Variants in GFRA1 observed in about 807,000 individuals in gnomAD.
GFRA1 encodes the protein GDNF family receptor alpha-1.
In GFRA1, 16 loss-of-function variants were observed where a neutral mutation model predicts 51.6. The ratio of observed to expected loss-of-function variants is 0.31; its 90% CI spans 0.21 to 0.47. The LOEUF is 0.47. GFRA1 is among the 20% of genes least tolerant of loss of function. The pLI, the probability that GFRA1 is intolerant of heterozygous loss-of-function variation, is 1.00. For missense variants in GFRA1, 530 were observed against 594.3 expected (o/e 0.89, Z 1.13); for synonymous variants, 270 against 241.3 (o/e 1.12, Z -1.10).
At chr10:116,144,880 G>A (rs910707198) in intron 5 of GFRA1, among the ~76,000 whole-genome samples, 1 of 151,958 alleles carries the variant, frequency 6.6e-6, no homozygotes, top group African/African-American at 2.4e-5. Context: ...CAAGGTTGGT[G>A]GCACACACTT....
intron 4 of GFRA1, among the ~76,000 whole-genome samples, chr10:116,238,266 C>A (rs2134614275): frequency 6.6e-6 from 1 of 152,260 alleles, no homozygotes; most frequent in East Asian, 1.9e-4. Context: ...CTGGGGAACG[C>A]CGCCTGCCAG....
At chr10:116,259,981 C>T (rs537992259) in intron 4 of GFRA1, among the ~76,000 whole-genome samples, 45 of 152,282 alleles carry the variant, frequency 3.0e-4, no homozygotes, top group South Asian at 2.3e-3. Flanking sequence ...GCTTCCCCAG[C>T]GGGACTCCTC....
rs2577360 is a variant in GFRA1 at position 116,272,107 on chromosome 10, G to C, written c.-78C>G. 8.2e-7 allele frequency: 1 copy of C among 1,225,762 alleles called. No individual in the cohort carries two copies. The highest frequency in any genetic ancestry group is 1.2e-6 in the Non-Finnish European group (1 of 852,370). The allele number at this position is 1,225,762 out of a possible 1,614,324, so 75.9% of individuals were successfully genotyped here. On this transcript the variant is annotated 5_prime_UTR_variant, in exon 2 of 11. Coordinates refer to ENST00000355422, the MANE Select transcript of GFRA1 (RefSeq NM_005264.8). This position sits in a 1 kb window ranked among gnomAD's most constrained non-coding sequence, Gnocchi z 4.4. The stretch of plus-strand genomic sequence containing the variant: ...CTGGGTCTTGCCGAGGGAGCTCAGC[G>C]TGCAGCGATCCCCGGACAGCTGTGC...
chr10:116,135,372 A>C (rs887827851), intron 5 of GFRA1, among the ~76,000 whole-genome samples: 3 of 152,238 alleles, frequency 2.0e-5, no homozygotes, highest in African/African-American at 7.2e-5. Flanking sequence ...ACACTGCAGG[A>C]GTGCATGAAA....
chr10:116,198,972 A>C (rs1173375002), intron 5 of GFRA1, among the ~76,000 whole-genome samples: 1 of 152,174 alleles, frequency 6.6e-6, no homozygotes, highest in African/African-American at 2.4e-5. Context: ...ACATACAGAG[A>C]CAAAGACCAT....
rs2133718115 is a variant in GFRA1 at position 116,056,965 on chromosome 10, G to T, written c.*7433C>A. 1 of 152,316 alleles carries T rather than the reference G, an allele frequency of 6.6e-6. No individual in the cohort carries two copies. Among genetic ancestry groups the T allele is most frequent in the African/African-American group, 2.4e-5 (1 of 41,576 alleles). 9.4% of individuals were successfully genotyped at this position (152,316 alleles called of 1,614,324 possible). ...AAAACAATGTTTATTAGGATATTCTGGGGTGAGAGGATGGCCAAAGGGACT... is the reference window on the plus strand; with the variant it reads ...AAAACAATGTTTATTAGGATATTCTTGGGTGAGAGGATGGCCAAAGGGACT... On this transcript the variant is annotated 3_prime_UTR_variant, in exon 11 of 11. Transcript: ENST00000355422.
chr10:116,172,150 T>G (rs1232319165), intron 5 of GFRA1, among the ~76,000 whole-genome samples: 1 of 152,220 alleles, frequency 6.6e-6, no homozygotes, highest in Non-Finnish European at 1.5e-5. Flanking sequence ...CTTTGGAGTT[T>G]TGCTGGAGGA....
chr10:116,250,317 C>A (rs1397494583), intron 4 of GFRA1, among the ~76,000 whole-genome samples: 1 of 152,106 alleles, frequency 6.6e-6, no homozygotes, highest in Non-Finnish European at 1.5e-5. Context: ...GGAGAGAGGA[C>A]CCAGGGCGCT....
At chr10:116,172,993 G>A (rs1460766934) in intron 5 of GFRA1, among the ~76,000 whole-genome samples, 1 of 152,140 alleles carries the variant, frequency 6.6e-6, no homozygotes, top group Non-Finnish European at 1.5e-5. Context: ...AATGGGCTTC[G>A]AGCGGAGGTC....
intron 5 of GFRA1, among the ~76,000 whole-genome samples, chr10:116,164,216 G>A (rs563076509): frequency 2.6e-5 from 4 of 152,136 alleles, no homozygotes; most frequent in African/African-American, 9.6e-5. Flanking sequence ...CCTCATTGCT[G>A]GATGTTTGAA....
intron 9 of GFRA1, among the ~76,000 whole-genome samples, chr10:116,073,537 G>A (rs1333077847): frequency 1.3e-5 from 2 of 152,154 alleles, no homozygotes; most frequent in Non-Finnish European, 2.9e-5. Context: ...TTTTGAAGAC[G>A]TTTTGGTTTG....
At chr10:116,121,549 A>C (rs773365703) in intron 6 of GFRA1, among the ~76,000 whole-genome samples, 2 of 152,242 alleles carry the variant, frequency 1.3e-5, no homozygotes, top group Non-Finnish European at 1.5e-5. Flanking sequence ...TTCTGTGCAG[A>C]GGCACTGTCG....
Position 116,064,274 on chromosome 10 carries a change from C to T in GFRA1, c.*124G>A. Reference sequence around the variant, plus strand: ...TTAAAAGGAAAAAAAAAAAATGTTCCAGTTGAATGGAACTGTTTCTCAACT... The same window carrying T: ...TTAAAAGGAAAAAAAAAAAATGTTCTAGTTGAATGGAACTGTTTCTCAACT... On this transcript the variant is annotated 3_prime_UTR_variant, in exon 11 of 11. Coordinates refer to ENST00000355422, the MANE Select transcript of GFRA1 (RefSeq NM_005264.8). 2.4e-6 allele frequency: 2 copies of T among 819,552 alleles called. No individual in the cohort carries two copies. The highest frequency in any genetic ancestry group is 2.0e-6 in the Non-Finnish European group (1 of 508,960). 50.8% of individuals were successfully genotyped at this position (819,552 alleles called of 1,614,324 possible).
chr10:116,151,110 T>A (rs960923863), intron 5 of GFRA1, among the ~76,000 whole-genome samples: 4 of 152,054 alleles, frequency 2.6e-5, no homozygotes, highest in Non-Finnish European at 4.4e-5. Context: ...ATCAATGGAA[T>A]ACTTTTCTCC....
intron 5 of GFRA1, among the ~76,000 whole-genome samples, chr10:116,195,511 C>A (rs1405100185): frequency 2.0e-5 from 3 of 152,210 alleles, no homozygotes; most frequent in Non-Finnish European, 2.9e-5. Context: ...AGATTCCTCA[C>A]ATGTGCAGTT....
intron 8 of GFRA1, among the ~76,000 whole-genome samples, chr10:116,091,692 C>A (rs937189706): frequency 6.6e-6 from 1 of 152,176 alleles, no homozygotes; most frequent in Non-Finnish European, 1.5e-5. Flanking sequence ...CTGAACGGAG[C>A]AGAATTAAGT....
rs546548779 is a variant in GFRA1, at chr10:116,255,425, AC to A, written c.418+14077del. 1.8e-4 allele frequency among the ~76,000 whole-genome samples: 28 copies of A among 152,194 alleles called. 2 individuals are homozygous for A. The South Asian group carries it at 5.8e-3, about 32-fold the overall frequency. ...GTGAACCTTATACTGCTAATAGAAA[AC>A]AATGCTTCAACTGTTTCTACTTTGT... On this transcript the variant is annotated intron_variant, in intron 4 of 10. Coordinates refer to ENST00000355422, the MANE Select transcript of GFRA1 (RefSeq NM_005264.8).
intron 9 of GFRA1, among the ~76,000 whole-genome samples, chr10:116,076,443 A>G (rs1955622209): frequency 6.6e-6 from 1 of 152,182 alleles, no homozygotes; most frequent in South Asian, 2.1e-4. Flanking sequence ...AACAAAAAAA[A>G]AGGAAGCCTG....
intron 5 of GFRA1, among the ~76,000 whole-genome samples, chr10:116,186,519 A>G (rs1962731291): frequency 1.3e-5 from 2 of 150,068 alleles, no homozygotes; most frequent in South Asian, 2.1e-4. Context: ...ACATTACACA[A>G]TTCTGAAAGG....
Sources: allele counts gnomAD v4.1 joint callset (sites outside exome capture counted in the v4.1 genomes callset), GRCh38; gene constraint gnomAD v4.1.1; non-coding constraint Gnocchi (gnomAD v3.1); transcripts MANE v1.5; gene names NCBI Gene and HGNC (gene_info 2026-07-23, HGNC 2026-07-21).